ATP2C2: variants seen among roughly 807,000 people sequenced by gnomAD.
ATP2C2 encodes calcium-transporting ATPase type 2C member 2.
Under a neutral mutation model 110.8 loss-of-function variants are expected in ATP2C2, and 171 were observed. That is an observed-to-expected ratio of 1.54 (90% CI 1.36 to 1.75). The LOEUF (loss-of-function observed/expected upper bound fraction) is 1.75, where lower values mean the gene tolerates loss of function less well. ATP2C2 is among the 40% of genes most tolerant of loss of function. The pLI is 0.00. For synonymous variants in ATP2C2, 804 were observed against 508.4 expected (o/e 1.58, Z -7.82); for missense variants, 1,963 against 1,235.0 (o/e 1.59, Z -8.84).
chr16:84,450,583 C>T (rs1330828606), intron 17 of ATP2C2, among the ~76,000 whole-genome samples: 1 of 152,064 alleles, frequency 6.6e-6, no homozygotes, highest in African/African-American at 2.4e-5. Context: ...GGGAGGGGAC[C>T]ATTGGAAAAG....
chr16:84,388,476 A>G (rs1904451413), intron 1 of ATP2C2, among the ~76,000 whole-genome samples: 1 of 152,188 alleles, frequency 6.6e-6, no homozygotes, highest in South Asian at 2.1e-4. Flanking sequence ...ATTTCTAACA[A>G]TTTCCAGGTG....
chr16:84,464,165 A>G lies in ATP2C2; in HGVS notation c.*433A>G, dbSNP rs533503369. 6.4e-6 allele frequency: 1 copy of G among 155,936 alleles called. No individual in the cohort carries two copies. Among genetic ancestry groups the G allele is most frequent in the Non-Finnish European group, 1.4e-5 (1 of 70,516 alleles). The allele number at this position is 155,936 out of a possible 1,614,324, so 9.7% of individuals were successfully genotyped here. On this transcript the variant is annotated 3_prime_UTR_variant, in exon 27 of 27. Coordinates refer to ENST00000262429, the MANE Select transcript of ATP2C2 (RefSeq NM_014861.4). The stretch of plus-strand genomic sequence containing the variant: ...CATAAAATGAGGGACTTTTAAATAA[A>G]GTGCTATGCCGGGGGATAATTATTT...
At chr16:84,447,324 T>G (rs1183644889) in intron 16 of ATP2C2, among the ~76,000 whole-genome samples, 1 of 152,162 alleles carries the variant, frequency 6.6e-6, no homozygotes, top group Non-Finnish European at 1.5e-5. Flanking sequence ...TTTTAGACCT[T>G]TAAATCTTTT....
intron 1 of ATP2C2, among the ~76,000 whole-genome samples, chr16:84,369,662 T>G (rs771658489): frequency 2.6e-5 from 4 of 152,182 alleles, no homozygotes; most frequent in African/African-American, 9.7e-5. Context: ...AAAAAGAAAT[T>G]AGCTGAAAAA....
Position 84,460,908 on chromosome 16 carries a change from CAT to C in ATP2C2, c.2481+108_2481+109del, listed in dbSNP as rs1597888993. On this transcript the variant is annotated intron_variant, in intron 24 of 26. Coordinates refer to ENST00000262429, the MANE Select transcript of ATP2C2 (RefSeq NM_014861.4). ...ACAGCTCACATCTGGGAGAGGCAAACATGTACACACACCGGACAATGTGATGC... is the reference window on the plus strand; with the variant it reads ...ACAGCTCACATCTGGGAGAGGCAAACGTACACACACCGGACAATGTGATGC... 4.1e-5 allele frequency: 57 copies of C among 1,395,834 alleles called. No homozygotes were observed. The East Asian group carries it at 1.3e-3, about 32-fold the overall frequency. The allele number at this position is 1,395,834 out of a possible 1,614,324, so 86.5% of individuals were successfully genotyped here.
At chr16:84,381,635 C>T (rs1292594628) in intron 1 of ATP2C2, among the ~76,000 whole-genome samples, 2 of 152,130 alleles carry the variant, frequency 1.3e-5, no homozygotes, top group Non-Finnish European at 2.9e-5. Context: ...TCTTTTCCCT[C>T]ATAGATTCAT....
intron 1 of ATP2C2, among the ~76,000 whole-genome samples, chr16:84,387,718 T>C (rs1167181510): frequency 6.6e-6 from 1 of 152,324 alleles, no homozygotes; most frequent in African/African-American, 2.4e-5. Context: ...AATAAGACTT[T>C]GCTGGGTTGG....
chr16:84,438,306 C>T (rs1908925430), intron 11 of ATP2C2, among the ~76,000 whole-genome samples: 1 of 152,216 alleles, frequency 6.6e-6, no homozygotes, highest in South Asian at 2.1e-4. Context: ...CCACCCCTGG[C>T]TATGTCAAAC....
rs58934576 is a variant in ATP2C2, at chr16:84,397,655, CAAAAAAAAAAA to C, written c.100-836_100-826del. On this transcript the variant is annotated intron_variant, in intron 1 of 26. Transcript: ENST00000262429. ...CACCACTGCACTCCAGCCTGGGTGA[CAAAAAAAAAAA>C]AAAAAAACTTGCTTAAAAATAGATG... 9.8e-3 allele frequency among the ~76,000 whole-genome samples: 625 copies of C among 63,514 alleles called. 29 individuals carry two copies. Among genetic ancestry groups the C allele is most frequent in the Middle Eastern group, 0.029 (3 of 102 alleles). The allele number at this position is 63,514 out of a possible 152,430, so 41.7% of individuals were successfully genotyped here. A position where few individuals can be genotyped will look rare whatever the true frequency, so the allele number is the denominator to read the frequency against.
chr16:84,397,655 C>CAAAAAAAAAAAGAAAAAAAAAAAAAA (rs1905071300), intron 1 of ATP2C2, among the ~76,000 whole-genome samples: 1 of 63,512 alleles, frequency 1.6e-5, no homozygotes, highest in Non-Finnish European at 3.5e-5. Context: ...GCCTGGGTGA[C>CAAAAAAAAAAAGAAAAAAAAAAAAAA]AAAAAAAAAA....
chr16:84,393,779 A>G (rs1474260868), intron 1 of ATP2C2, among the ~76,000 whole-genome samples: 1 of 151,884 alleles, frequency 6.6e-6, no homozygotes, highest in African/African-American at 2.4e-5. Context: ...TGTGACCGAC[A>G]CAGGTGGGAC....
intron 1 of ATP2C2, among the ~76,000 whole-genome samples, chr16:84,373,532 C>G (rs1417792302): frequency 6.6e-6 from 1 of 152,136 alleles, no homozygotes; most frequent in Admixed American, 6.6e-5. Context: ...AGACTGGAAA[C>G]CAAAGCCTTT....
chr16:84,446,971 G>C (rs1035210904), intron 16 of ATP2C2, among the ~76,000 whole-genome samples: 1 of 152,198 alleles, frequency 6.6e-6, no homozygotes, highest in African/African-American at 2.4e-5. Flanking sequence ...GCATCAGCGT[G>C]TGCACACGTG....
chr16:84,426,069 C>A, intron 11 of ATP2C2: 1 of 441,984 alleles, frequency 2.3e-6, no homozygotes. Flanking sequence ...AAAAAAATAC[C>A]TGAGGCTTGG....
In ATP2C2 at chr16:84,418,099, C is replaced by T. The variant is rs116769485; in HGVS notation, c.624+2508C>T. Among the ~76,000 whole-genome samples the T allele has an allele frequency of 7.0e-3, 1,060 of 152,290 alleles. 7 individuals are homozygous for T. The highest frequency in any genetic ancestry group is 0.024 in the African/African-American group (1,007 of 41,540). ...GTACAGCCAGCAAGCCTGGGTCACACTTTCTCCCCTACCATGTCTAAAAGA... is the reference window on the plus strand; with the variant it reads ...GTACAGCCAGCAAGCCTGGGTCACATTTTCTCCCCTACCATGTCTAAAAGA... On this transcript the variant is annotated intron_variant, in intron 7 of 26. Transcript: ENST00000262429.
intron 3 of ATP2C2, among the ~76,000 whole-genome samples, chr16:84,406,376 C>T (rs572261882): frequency 6.6e-6 from 1 of 152,188 alleles, no homozygotes; most frequent in South Asian, 2.1e-4. Flanking sequence ...GGCCTTAGAT[C>T]CCCTTTTCCA....
At chr16:84,379,577 C>T (rs1181806144) in intron 1 of ATP2C2, among the ~76,000 whole-genome samples, 1 of 152,210 alleles carries the variant, frequency 6.6e-6, no homozygotes, top group Non-Finnish European at 1.5e-5. Flanking sequence ...CCTGGAACTA[C>T]AGAATCAGAA....
Position 84,405,250 on chromosome 16 carries a change from A to G in ATP2C2, c.327+6A>G, listed in dbSNP as rs2064256328. 6.2e-7 allele frequency: 1 copy of G among 1,604,508 alleles called. No homozygotes were observed. The highest frequency in any genetic ancestry group is 8.5e-7 in the Non-Finnish European group (1 of 1,172,316). On this transcript the variant is annotated splice_donor_region_variant and intron_variant, in intron 3 of 26. Coordinates refer to ENST00000262429, the MANE Select transcript of ATP2C2 (RefSeq NM_014861.4). ...GGAAGAAATACCTGGATCAGGTAGG[A>G]CCAGAGGTGTCATTCTTTGCATTAA...
In ATP2C2 at chr16:84,422,382, T is replaced by A; in HGVS notation, c.625-8T>A. 2 of 1,611,538 alleles carry A rather than the reference T, an allele frequency of 1.2e-6. No individual in the cohort carries two copies. Among genetic ancestry groups the A allele is most frequent in the Non-Finnish European group, 1.7e-6 (2 of 1,179,018 alleles). Reference sequence around the variant, plus strand: ...AGATTCCACAGCCTTTTCCCCTTGCTCTCCTAGGTCACGGACCTCTTGGTG... The same window carrying A: ...AGATTCCACAGCCTTTTCCCCTTGCACTCCTAGGTCACGGACCTCTTGGTG... On this transcript the variant is annotated splice_polypyrimidine_tract_variant and splice_region_variant and intron_variant, in intron 7 of 26. Coordinates refer to ENST00000262429, the MANE Select transcript of ATP2C2 (RefSeq NM_014861.4).
Sources: allele counts gnomAD v4.1 joint callset (sites outside exome capture counted in the v4.1 genomes callset), GRCh38; gene constraint gnomAD v4.1.1; transcripts MANE v1.5; gene names NCBI Gene and HGNC (gene_info 2026-07-23, HGNC 2026-07-21).